DLGAP1: variants seen among roughly 807,000 people sequenced by gnomAD.
DLGAP1 encodes disks large-associated protein 1.
DLGAP1 carries 11 observed loss-of-function variants against 90.8 expected under a neutral mutation model. That is an observed-to-expected ratio of 0.12 (90% CI 0.08 to 0.20). DLGAP1 has a LOEUF of 0.20. DLGAP1 is among the 10% of genes least tolerant of loss of function. The pLI is 1.00. For missense variants in DLGAP1, 1,050 were observed against 1,333.8 expected (o/e 0.79, Z 3.31); for synonymous variants, 558 against 540.7 (o/e 1.03, Z -0.44).
Position 3,879,269 on chromosome 18 carries a change from AC to A in DLGAP1, c.799del (p.Val267SerfsTer8). 6.3e-7 allele frequency: 1 copy of A among 1,599,192 alleles called. No individual in the cohort carries two copies. ...VKCSTCANLPVSLDTPLLKKS... is the reference protein window; with the variant it reads ...VKCSTCANLPXSLDTPLLKKS... ...CTTCAGCAGCGGGGTGTCCAGGCTG[AC>A]CGGCAGGTTGGCGCAGGTGGAGCAC... On this transcript the variant is annotated frameshift_variant, in exon 4 of 13. Transcript: ENST00000315677. LOFTEE classifies it high-confidence loss of function. The surrounding 1 kb of genome is among the most constrained non-coding windows in gnomAD (Gnocchi z 6.6).
intron 7 of DLGAP1, among the ~76,000 whole-genome samples, chr18:3,649,589 CT>C (rs2059226209): frequency 6.6e-6 from 1 of 152,168 alleles, no homozygotes; most frequent in Non-Finnish European, 1.5e-5. Flanking sequence ...AGTTTAGTCT[CT>C]GCAACTGCCC....
intron 7 of DLGAP1, among the ~76,000 whole-genome samples, chr18:3,667,794 T>A (rs1475603356): frequency 1.3e-5 from 2 of 152,116 alleles, no homozygotes; most frequent in African/African-American, 2.4e-5. Flanking sequence ...CCGGAATGAC[T>A]CCAGGAGTAA....
intron 1 of DLGAP1, among the ~76,000 whole-genome samples, chr18:4,397,904 G>T (rs2082473377): frequency 6.6e-6 from 1 of 152,036 alleles, no homozygotes; most frequent in African/African-American, 2.4e-5. Flanking sequence ...GTGAAAAAAA[G>T]GTTTTTTATA....
intron 1 of DLGAP1, among the ~76,000 whole-genome samples, chr18:4,194,217 C>T (rs568394238): frequency 3.9e-5 from 6 of 152,250 alleles, no homozygotes; most frequent in South Asian, 2.1e-4. Flanking sequence ...CCCATGAGTA[C>T]CCAATGTTTA....
At position 3,502,356 on chromosome 18, in the gene DLGAP1, G is replaced by A. The variant is rs576387227; in HGVS notation, c.2724+137C>T. On this transcript the variant is annotated intron_variant, in intron 12 of 12. Coordinates refer to ENST00000315677, the MANE Select transcript of DLGAP1 (RefSeq NM_004746.4). ...CCCAAATGATTACTATGTAAACATT[G>A]TCATTACAATGAAATTAATATGATA... 2.2e-5 allele frequency: 32 copies of A among 1,447,602 alleles called. No individual in the cohort carries two copies. In the East Asian group the frequency reaches 7.3e-4, roughly 33 times the overall value. 89.7% of individuals were successfully genotyped at this position (1,447,602 alleles called of 1,614,324 possible). A position where few individuals can be genotyped will look rare whatever the true frequency, so the allele number is the denominator to read the frequency against.
At chr18:4,017,816 AATCT>A (rs1285933436) in intron 2 of DLGAP1, among the ~76,000 whole-genome samples, 1 of 152,162 alleles carries the variant, frequency 6.6e-6, no homozygotes, top group African/African-American at 2.4e-5. Flanking sequence ...TTAGTGAAAC[AATCT>A]ACCAGTAAGT....
At position 4,269,564 on chromosome 18, in the gene DLGAP1, C is replaced by T. The variant is rs868053022; in HGVS notation, c.-266-118277G>A. Among the ~76,000 whole-genome samples the T allele has an allele frequency of 5.3e-5, 8 of 151,878 alleles. No individual in the cohort carries two copies. In the East Asian group the frequency reaches 5.8e-4, roughly 11 times the overall value. The stretch of plus-strand genomic sequence containing the variant: ...AGAGACGGGGTTTCACCGTGTTAGC[C>T]AGGATGGTCTCGATCTCCTGACCTT... On this transcript the variant is annotated intron_variant, in intron 1 of 12. Coordinates refer to ENST00000315677, the MANE Select transcript of DLGAP1 (RefSeq NM_004746.4).
intron 1 of DLGAP1, among the ~76,000 whole-genome samples, chr18:4,368,521 A>G (rs1245820314): frequency 5.9e-5 from 9 of 152,168 alleles, no homozygotes; most frequent in Non-Finnish European, 1.3e-4. Context: ...CTTCAGACTC[A>G]CATCAACTAT....
intron 3 of DLGAP1, among the ~76,000 whole-genome samples, chr18:3,899,228 G>A (rs572703396): frequency 1.3e-5 from 2 of 152,312 alleles, no homozygotes; most frequent in African/African-American, 4.8e-5. Flanking sequence ...AGCAACCTCC[G>A]CCCATGGCAG....
intron 4 of DLGAP1, among the ~76,000 whole-genome samples, chr18:3,825,386 C>T (rs183849289): frequency 1.1e-3 from 171 of 152,322 alleles, no homozygotes; most frequent in African/African-American, 3.9e-3. Flanking sequence ...TCCGTGGATG[C>T]TTAACTTCCT....
At chr18:3,934,858 G>C (rs2072598975) in intron 3 of DLGAP1, among the ~76,000 whole-genome samples, 1 of 152,206 alleles carries the variant, frequency 6.6e-6, no homozygotes, top group South Asian at 2.1e-4. Context: ...AGTGAGAGGG[G>C]TCTTTTCAAA....
At chr18:4,040,271 A>T (rs769581920) in intron 2 of DLGAP1, among the ~76,000 whole-genome samples, 1 of 152,234 alleles carries the variant, frequency 6.6e-6, no homozygotes, top group Non-Finnish European at 1.5e-5. Context: ...TGTGAGGATT[A>T]AATAAGTTAA....
intron 7 of DLGAP1, chr18:3,606,696 G>A (rs1403300112): frequency 6.6e-6 from 1 of 152,084 alleles, no homozygotes; most frequent in Non-Finnish European, 1.5e-5. Flanking sequence ...ATGGGATTAC[G>A]GGTGATTTTT....
At chr18:4,042,062 T>A (rs1009220934) in intron 2 of DLGAP1, among the ~76,000 whole-genome samples, 2 of 152,216 alleles carry the variant, frequency 1.3e-5, no homozygotes, top group African/African-American at 4.8e-5. Flanking sequence ...AAGAATTGTG[T>A]GTTCCTTTAA....
Position 3,711,093 on chromosome 18 carries a change from C to T in DLGAP1, c.1591+18042G>A, listed in dbSNP as rs559580975. Among the ~76,000 whole-genome samples, 2 of 152,288 alleles carry T rather than the reference C, an allele frequency of 1.3e-5. No individual in the cohort carries two copies. The highest frequency in any genetic ancestry group is 2.1e-4 in the South Asian group (1 of 4,824). On this transcript the variant is annotated intron_variant, in intron 7 of 12. Transcript: ENST00000315677. This position sits in a 1 kb window ranked among gnomAD's most constrained non-coding sequence, Gnocchi z 4.0. ...AGGAAGTCAGAGAGCCAGGAGGGGC[C>T]GCCCTGGGCAAGGTCTGGCAGAGAC...
intron 1 of DLGAP1, among the ~76,000 whole-genome samples, chr18:4,161,564 T>A (rs982111215): frequency 1.3e-5 from 2 of 152,170 alleles, no homozygotes; most frequent in African/African-American, 4.8e-5. Flanking sequence ...AAGTTTTCCC[T>A]GTTCTTATAA....
chr18:3,758,801 C>T (rs1388885518), intron 5 of DLGAP1, among the ~76,000 whole-genome samples: 3 of 152,148 alleles, frequency 2.0e-5, no homozygotes, highest in Non-Finnish European at 2.9e-5. Flanking sequence ...TGCAGATGCC[C>T]GACTTTCTTC....
intron 1 of DLGAP1, among the ~76,000 whole-genome samples, chr18:4,300,716 CTT>C (rs1362302240): frequency 4.6e-5 from 7 of 152,230 alleles, no homozygotes; most frequent in Non-Finnish European, 1.5e-5. Flanking sequence ...TGGTTATACA[CTT>C]TGAGTTCTCA....
intron 2 of DLGAP1, among the ~76,000 whole-genome samples, chr18:4,042,294 T>C (rs1326060480): frequency 6.6e-6 from 1 of 152,230 alleles, no homozygotes; most frequent in Non-Finnish European, 1.5e-5. Flanking sequence ...TCATTCCCCA[T>C]CAAATGTAAC....
Sources: gnomAD v4.1 joint callset for allele counts (sites outside exome capture counted in the v4.1 genomes callset) on GRCh38, gnomAD v4.1.1 for gene constraint, Gnocchi (gnomAD v3.1) non-coding constraint, MANE v1.5 for transcripts, NCBI Gene and HGNC (gene_info 2026-07-23, HGNC 2026-07-21) for gene names.